ZDHHC14: variants seen among roughly 807,000 people sequenced by gnomAD.
ZDHHC14 encodes palmitoyltransferase ZDHHC14.
In ZDHHC14, 16 loss-of-function variants were observed where a neutral mutation model predicts 47.7. The observed-to-expected ratio is 0.34, with a 90% CI of 0.23 to 0.51. ZDHHC14 has a LOEUF of 0.51. Ranked by LOEUF, ZDHHC14 falls within the 20% of genes least tolerant of loss-of-function variation. The probability of loss-of-function intolerance (pLI) is 0.97; values close to 1 mark genes in which losing one functional copy is unlikely to be tolerated. For missense variants in ZDHHC14, 515 were observed against 662.5 expected (o/e 0.78, Z 2.44); for synonymous variants, 293 against 278.9 (o/e 1.05, Z -0.50).
chr6:157,532,601 G>A (rs1477452564), intron 1 of ZDHHC14, among the ~76,000 whole-genome samples: 1 of 152,160 alleles, frequency 6.6e-6, no homozygotes, highest in Non-Finnish European at 1.5e-5. Flanking sequence ...TAAATACCCA[G>A]TTTAAGACAG....
chr6:157,459,711 C>G (rs1677473470), intron 1 of ZDHHC14, among the ~76,000 whole-genome samples: 1 of 152,032 alleles, frequency 6.6e-6, no homozygotes, highest in Non-Finnish European at 1.5e-5. Flanking sequence ...GATGGGGGGA[C>G]AGCTAATGAG....
At chr6:157,458,876 C>T (rs1167464428) in intron 1 of ZDHHC14, among the ~76,000 whole-genome samples, 3 of 41,946 alleles carry the variant, frequency 7.2e-5, no homozygotes, top group South Asian at 9.4e-4. Flanking sequence ...TTTTTTGAGA[C>T]GGAGTTTCGC....
Position 157,536,819 on chromosome 6 carries a change from C to CTTTTTTTTTTTTTTTTTTT in ZDHHC14, c.246-5749_246-5748insTTTTTTTTTTTTTTTTTTT, listed in dbSNP as rs768063106. ...TCTGTCTATCTATCCCTCCATCTAT[C>CTTTTTTTTTTTTTTTTTTT]TTTTTTTTTTTTTTTTTGAGACAGA... is the stretch of plus-strand genomic sequence containing the variant. On this transcript the variant is annotated intron_variant, in intron 1 of 8. Coordinates refer to ENST00000359775, the MANE Select transcript of ZDHHC14 (RefSeq NM_024630.3). Among the ~76,000 whole-genome samples the CTTTTTTTTTTTTTTTTTTT allele has an allele frequency of 5.3e-4, 52 of 97,984 alleles. 3 individuals are homozygous for CTTTTTTTTTTTTTTTTTTT. The highest frequency in any genetic ancestry group is 8.7e-4 in the Non-Finnish European group (46 of 52,636). The allele number at this position is 97,984 out of a possible 152,430, so 64.3% of individuals were successfully genotyped here. A position where few individuals can be genotyped will look rare whatever the true frequency, so the allele number is the denominator to read the frequency against.
intron 1 of ZDHHC14, among the ~76,000 whole-genome samples, chr6:157,397,704 T>C (rs1330587307): frequency 1.3e-5 from 2 of 152,074 alleles, no homozygotes; most frequent in African/African-American, 4.8e-5. Context: ...ATGTGGATGT[T>C]TTTGGGGGAA....
intron 1 of ZDHHC14, among the ~76,000 whole-genome samples, chr6:157,461,784 C>T (rs1340400380): frequency 6.6e-6 from 1 of 152,166 alleles, no homozygotes; most frequent in Non-Finnish European, 1.5e-5. Flanking sequence ...GACGCCAGTT[C>T]CTGCACTTCC....
At chr6:157,622,216 C>CAAAAAAAAA (rs35681787) in intron 3 of ZDHHC14, among the ~76,000 whole-genome samples, 763 of 91,336 alleles carry the variant, frequency 8.4e-3, no homozygotes, top group Non-Finnish European at 0.013. Flanking sequence ...ACTAAAAATA[C>CAAAAAAAAA]AAAAAAAAAA....
intron 1 of ZDHHC14, among the ~76,000 whole-genome samples, chr6:157,461,241 T>C (rs1285769301): frequency 6.6e-6 from 1 of 152,176 alleles, no homozygotes; most frequent in Non-Finnish European, 1.5e-5. Flanking sequence ...CCACCACTGA[T>C]ACAAGGTGAG....
At chr6:157,499,905 GT>G (rs1780156801) in intron 1 of ZDHHC14, among the ~76,000 whole-genome samples, 1 of 149,058 alleles carries the variant, frequency 6.7e-6, no homozygotes. Flanking sequence ...AATATTCTAG[GT>G]GCTAAATAAT....
chr6:157,662,471 C>T (rs550305889), intron 8 of ZDHHC14, among the ~76,000 whole-genome samples: 6 of 152,224 alleles, frequency 3.9e-5, no homozygotes, highest in Non-Finnish European at 7.3e-5. Flanking sequence ...CGTGAGCCCC[C>T]GCGCCCAGCC....
intron 2 of ZDHHC14, among the ~76,000 whole-genome samples, chr6:157,561,347 A>G (rs1278916761): frequency 6.6e-6 from 1 of 152,222 alleles, no homozygotes; most frequent in African/African-American, 2.4e-5. Flanking sequence ...GAAGGCTGCC[A>G]TCGTAGTGCA....
At chr6:157,625,529 C>T (rs1046673813) in intron 3 of ZDHHC14, among the ~76,000 whole-genome samples, 28 of 152,084 alleles carry the variant, frequency 1.8e-4, no homozygotes, top group African/African-American at 6.5e-4. Context: ...AAAAGAGACC[C>T]TGGGTGCAAC....
chr6:157,529,315 T>C (rs1262516399), intron 1 of ZDHHC14: 1 of 153,642 alleles, frequency 6.5e-6, no homozygotes, highest in African/African-American at 2.4e-5. Flanking sequence ...AAGTTTATGT[T>C]TTAGCATTGT....
At chr6:157,585,322 T>G (rs1367795537) in intron 2 of ZDHHC14, among the ~76,000 whole-genome samples, 2 of 151,782 alleles carry the variant, frequency 1.3e-5, no homozygotes, top group African/African-American at 4.8e-5. Context: ...TGCCTATTAT[T>G]CCTTTTTCAA....
intron 1 of ZDHHC14, among the ~76,000 whole-genome samples, chr6:157,416,738 T>C (rs1035687035): frequency 7.0e-6 from 1 of 142,592 alleles, no homozygotes; most frequent in Non-Finnish European, 1.5e-5. Flanking sequence ...TCGAACAGTA[T>C]AGAGGCCGTT....
At chr6:157,639,211 C>A (rs1777127741) in intron 5 of ZDHHC14, among the ~76,000 whole-genome samples, 1 of 152,234 alleles carries the variant, frequency 6.6e-6, no homozygotes, top group Admixed American at 6.5e-5. Flanking sequence ...ATGTTGAAGA[C>A]TAAGGGGGTG....
chr6:157,524,822 G>T (rs929783656), intron 1 of ZDHHC14, among the ~76,000 whole-genome samples: 4 of 152,234 alleles, frequency 2.6e-5, no homozygotes, highest in South Asian at 2.1e-4. Flanking sequence ...ACTATCAGAA[G>T]AATATCCCAT....
chr6:157,669,368 C>T (rs1411432870), intron 8 of ZDHHC14, among the ~76,000 whole-genome samples: 1 of 152,008 alleles, frequency 6.6e-6, no homozygotes, highest in Non-Finnish European at 1.5e-5. Flanking sequence ...GAGAGCCCAC[C>T]TCTCCCCAGA....
intron 3 of ZDHHC14, among the ~76,000 whole-genome samples, chr6:157,616,021 G>A (rs932198822): frequency 2.0e-5 from 3 of 152,198 alleles, no homozygotes; most frequent in African/African-American, 7.2e-5. Flanking sequence ...CATTGGGGGT[G>A]CAGCCAGTGA....
chr6:157,560,236 A>C (rs2114839487), intron 2 of ZDHHC14, among the ~76,000 whole-genome samples: 1 of 152,332 alleles, frequency 6.6e-6, no homozygotes, highest in East Asian at 1.9e-4. Flanking sequence ...TCAGCCAGGA[A>C]GCGGGGCCGA....
Sources: gnomAD v4.1 joint callset for allele counts (sites outside exome capture counted in the v4.1 genomes callset) on GRCh38, gnomAD v4.1.1 for gene constraint, MANE v1.5 for transcripts, NCBI Gene and HGNC (gene_info 2026-07-23, HGNC 2026-07-21) for gene names.